CHST11: variants seen among roughly 807,000 people sequenced by gnomAD.
CHST11 encodes the protein C4S-1.
CHST11 carries 9 observed loss-of-function variants against 30.4 expected under a neutral mutation model. The observed-to-expected ratio is 0.30, with a 90% CI of 0.18 to 0.52. The LOEUF (loss-of-function observed/expected upper bound fraction) is 0.52, where lower values mean the gene tolerates loss of function less well. Among genes scored for constraint, CHST11 ranks in the 20% least tolerant of loss-of-function variants. The probability of loss-of-function intolerance (pLI) is 0.97; values close to 1 mark genes in which losing one functional copy is unlikely to be tolerated. For synonymous variants in CHST11, 152 were observed against 187.8 expected, an observed-to-expected ratio of 0.81 and a Z score of 1.56; for missense variants, 348 against 460.6, an observed-to-expected ratio of 0.76 and a Z score of 2.24.
chr12:104,748,941 T>C (rs1395108630), intron 2 of CHST11, among the ~76,000 whole-genome samples: 1 of 152,144 alleles, frequency 6.6e-6, no homozygotes, highest in Non-Finnish European at 1.5e-5. Context: ...GAAGTATGAT[T>C]AGTACTCAGG....
At chr12:104,528,986 T>C (rs1565976119) in intron 1 of CHST11, among the ~76,000 whole-genome samples, 1 of 152,204 alleles carries the variant, frequency 6.6e-6, no homozygotes, top group Non-Finnish European at 1.5e-5. Context: ...AGGACCTCAG[T>C]CTAGTGTAGA....
chr12:104,534,622 C>T (rs1464079157), intron 1 of CHST11, among the ~76,000 whole-genome samples: 1 of 152,196 alleles, frequency 6.6e-6, no homozygotes, highest in Non-Finnish European at 1.5e-5. Flanking sequence ...CCACTGTCCT[C>T]TTTAATGTTT....
At chr12:104,531,142 G>T (rs538076388) in intron 1 of CHST11, among the ~76,000 whole-genome samples, 1 of 151,928 alleles carries the variant, frequency 6.6e-6, no homozygotes, top group African/African-American at 2.4e-5. Flanking sequence ...GAGAAGAATC[G>T]CTCAAAGATG....
chr12:104,480,626 C>G (rs1469509472), intron 1 of CHST11, among the ~76,000 whole-genome samples: 1 of 151,394 alleles, frequency 6.6e-6, no homozygotes, highest in Non-Finnish European at 1.5e-5. Flanking sequence ...GACAGTGTGC[C>G]CTTAATCCAA....
chr12:104,523,806 TGTTTATAA>T (rs2135989822), intron 1 of CHST11, among the ~76,000 whole-genome samples: 1 of 152,356 alleles, frequency 6.6e-6, no homozygotes, highest in East Asian at 1.9e-4. Context: ...GAAAATTATT[TGTTTATAA>T]GTTTTCTTTC....
chr12:104,499,910 G>A (rs558984743), intron 1 of CHST11, among the ~76,000 whole-genome samples: 1 of 152,302 alleles, frequency 6.6e-6, no homozygotes, highest in South Asian at 2.1e-4. Context: ...AGGGCTCAGT[G>A]GGGGAAGTGC....
At chr12:104,571,909 A>C (rs2038629911) in intron 1 of CHST11, among the ~76,000 whole-genome samples, 1 of 152,172 alleles carries the variant, frequency 6.6e-6, no homozygotes, top group Non-Finnish European at 1.5e-5. Context: ...GTTTATTGAG[A>C]GTTTTTAGCA....
chr12:104,615,004 C>T (rs2039096363), intron 2 of CHST11, among the ~76,000 whole-genome samples: 2 of 152,186 alleles, frequency 1.3e-5, no homozygotes, highest in Non-Finnish European at 2.9e-5. Flanking sequence ...GAAAAGTCAA[C>T]AGCCCCTGTA....
chr12:104,512,182 C>T (rs1309656327), intron 1 of CHST11, among the ~76,000 whole-genome samples: 1 of 152,096 alleles, frequency 6.6e-6, no homozygotes, highest in South Asian at 2.1e-4. Context: ...TATACAAAAT[C>T]ACTGTTAGTG....
chr12:104,566,555 G>C (rs2038568769), intron 1 of CHST11, among the ~76,000 whole-genome samples: 1 of 152,158 alleles, frequency 6.6e-6, no homozygotes, highest in Non-Finnish European at 1.5e-5. Context: ...GAGGACCTGT[G>C]GGGTGTGCTC....
intron 2 of CHST11, among the ~76,000 whole-genome samples, chr12:104,703,542 C>G (rs1246941580): frequency 6.6e-6 from 1 of 152,184 alleles, no homozygotes. Flanking sequence ...CTGGATGAAC[C>G]CATCCTCCAC....
chr12:104,541,189 C>T (rs928703143), intron 1 of CHST11, among the ~76,000 whole-genome samples: 3 of 152,094 alleles, frequency 2.0e-5, no homozygotes, highest in Non-Finnish European at 2.9e-5. Flanking sequence ...GCCCTGATCA[C>T]GCTGTGCTTC....
intron 2 of CHST11, among the ~76,000 whole-genome samples, chr12:104,638,036 C>T (rs1231924905): frequency 6.6e-6 from 1 of 152,150 alleles, no homozygotes; most frequent in Non-Finnish European, 1.5e-5. Flanking sequence ...CTCAGCTGAG[C>T]AACTCAAGGA....
In CHST11 at chr12:104,729,130, G is replaced by T. The variant is rs1397297895; in HGVS notation, c.205-27819G>T. Among the ~76,000 whole-genome samples, 2 of 152,086 alleles carry T rather than the reference G, an allele frequency of 1.3e-5. No homozygotes were observed. Among genetic ancestry groups the T allele is most frequent in the Non-Finnish European group, 2.9e-5 (2 of 68,030 alleles). On this transcript the variant is annotated intron_variant, in intron 2 of 2. Transcript: ENST00000303694. The surrounding 1 kb of genome is among the most constrained non-coding windows in gnomAD (Gnocchi z 4.0). Reference sequence around the variant, plus strand: ...GCAGTTGTTTTAAGGATAACAGCAAGCAGGAAACAAAAGAGACAGAAAAAA... The same window carrying T: ...GCAGTTGTTTTAAGGATAACAGCAATCAGGAAACAAAAGAGACAGAAAAAA...
chr12:104,562,621 C>T (rs193186022), intron 1 of CHST11, among the ~76,000 whole-genome samples: 11 of 152,310 alleles, frequency 7.2e-5, no homozygotes, highest in South Asian at 6.2e-4. Context: ...CATTATCCAA[C>T]GAAAGGTGAT....
At chr12:104,497,243 A>G (rs1029508253) in intron 1 of CHST11, among the ~76,000 whole-genome samples, 1 of 152,232 alleles carries the variant, frequency 6.6e-6, no homozygotes, top group African/African-American at 2.4e-5. Context: ...ATAAATGATT[A>G]TGAGGTCATT....
rs971215275 is a variant in CHST11, at chr12:104,681,882, G to C, written c.205-75067G>C. ...GTCTCGCTCTGTCGCCCAGGCTGGAGTGCAGTGGTGCGATCTCGGCTCCCT... is the reference window on the plus strand; with the variant it reads ...GTCTCGCTCTGTCGCCCAGGCTGGACTGCAGTGGTGCGATCTCGGCTCCCT... On this transcript the variant is annotated intron_variant, in intron 2 of 2. Coordinates refer to ENST00000303694, the MANE Select transcript of CHST11 (RefSeq NM_018413.6). Among the ~76,000 whole-genome samples, 3 of 142,182 alleles carry C rather than the reference G, an allele frequency of 2.1e-5. No homozygotes were observed. In the South Asian group the frequency reaches 6.7e-4, roughly 32 times the overall value. The allele number at this position is 142,182 out of a possible 152,430, so 93.3% of individuals were successfully genotyped here. A position where few individuals can be genotyped will look rare whatever the true frequency, so the allele number is the denominator to read the frequency against.
At chr12:104,503,376 T>G (rs1019427558) in intron 1 of CHST11, among the ~76,000 whole-genome samples, 1 of 152,240 alleles carries the variant, frequency 6.6e-6, no homozygotes, top group African/African-American at 2.4e-5. Flanking sequence ...ATCTGCATTC[T>G]AACCCCACAC....
chr12:104,596,187 G>T (rs2038905275), intron 1 of CHST11, among the ~76,000 whole-genome samples: 1 of 152,188 alleles, frequency 6.6e-6, no homozygotes, highest in African/African-American at 2.4e-5. Context: ...ATCAGACACT[G>T]TTCTGTCTTG....
Sources: allele counts gnomAD v4.1 joint callset (sites outside exome capture counted in the v4.1 genomes callset), GRCh38; gene constraint gnomAD v4.1.1; non-coding constraint Gnocchi (gnomAD v3.1); transcripts MANE v1.5; gene names NCBI Gene and HGNC (gene_info 2026-07-23, HGNC 2026-07-21).